Variants in AKAP8 observed in about 807,000 individuals in gnomAD.
The protein encoded by AKAP8 is A-kinase anchoring protein 8, also known as A-kinase anchor protein 8.
In AKAP8, 24 loss-of-function variants were observed where a neutral mutation model predicts 67.5. That is an observed-to-expected ratio of 0.36 (90% CI 0.26 to 0.50). The LOEUF (loss-of-function observed/expected upper bound fraction) is 0.50. AKAP8 is among the 20% of genes least tolerant of loss of function. AKAP8 has a pLI of 0.97. For synonymous variants in AKAP8, 400 were observed against 371.1 expected, an observed-to-expected ratio of 1.08 and a Z score of -0.90; for missense variants, 971 against 955.9, an observed-to-expected ratio of 1.02 and a Z score of -0.21.
chr19:15,367,233 G>A (rs577816791), intron 9 of AKAP8, among the ~76,000 whole-genome samples: 12 of 152,220 alleles, frequency 7.9e-5, no homozygotes, highest in African/African-American at 2.9e-4. Flanking sequence ...CTTTGAACAC[G>A]ACAATCACTG....
chr19:15,354,768 T>C lies in AKAP8; in HGVS notation c.*147A>G. 1.1e-6 allele frequency: 1 copy of C among 891,612 alleles called. No individual in the cohort carries two copies. The highest frequency in any genetic ancestry group is 1.7e-6 in the Non-Finnish European group (1 of 595,162). The allele number at this position is 891,612 out of a possible 1,614,324, so 55.2% of individuals were successfully genotyped here. On this transcript the variant is annotated 3_prime_UTR_variant, in exon 14 of 14. Transcript: ENST00000269701. ...GCATGAGACAAGCCGTGAGAGGCAC[T>C]GCTCAGGAGGAAACGCTGGGTCTCT...
intron 12 of AKAP8, among the ~76,000 whole-genome samples, chr19:15,360,616 G>A (rs1054134981): frequency 1.3e-5 from 2 of 152,168 alleles, no homozygotes; most frequent in East Asian, 1.9e-4. Flanking sequence ...ACTGACCAAC[G>A]TGGAAACACT....
At chr19:15,379,669 CAG>C (rs770535269) in intron 1 of AKAP8, 42 bp downstream of exon 1, 3 of 1,595,646 alleles carry the variant, frequency 1.9e-6, no homozygotes, top group Non-Finnish European at 2.6e-6. Flanking sequence ...GTCGCCCGCA[CAG>C]AGCCTTCCCT....
chr19:15,370,618 C>G (rs113516916), intron 7 of AKAP8, among the ~76,000 whole-genome samples: 5,054 of 144,400 alleles, frequency 0.035, 333 homozygotes, highest in African/African-American at 0.12. Context: ...TTATATTTAC[C>G]CAATGTCTTT....
rs1385331172 is a variant in AKAP8, at chr19:15,373,987, G to A, written c.170C>T (p.Ser57Leu). Residue 57 changes from serine to leucine, a missense_variant, in exon 4 of 14, where the codon TCG (serine) becomes TTG (leucine). Ser to Leu is a moderately radical substitution (Grantham distance 145, BLOSUM62 -2). Transcript: ENST00000269701. ...TGATYSYGPA[S>L]WEAAKANDGG... ...ATCATTGGCCTTGGCGGCCTCCCAC[G>A]AGGCTGGGCCGTAGCTGTAGGTTGC... is the stretch of plus-strand genomic sequence containing the variant. 6.8e-6 allele frequency: 11 copies of A among 1,612,774 alleles called. No individual in the cohort carries two copies. Among genetic ancestry groups the A allele is most frequent in the East Asian group, 6.7e-5 (3 of 44,876 alleles).
Position 15,369,322 on chromosome 19 carries a change from G to A in AKAP8, c.1072+824C>T, listed in dbSNP as rs1184629773. The A allele has an allele frequency of 5.3e-6, 5 of 947,162 alleles. No homozygotes were observed. The highest frequency in any genetic ancestry group is 6.3e-6 in the Non-Finnish European group (5 of 795,024). The allele number at this position is 947,162 out of a possible 1,614,324, so 58.7% of individuals were successfully genotyped here. A position where few individuals can be genotyped will look rare whatever the true frequency, so the allele number is the denominator to read the frequency against. On this transcript the variant is annotated intron_variant, in intron 8 of 13. Transcript: ENST00000269701. The surrounding 1 kb of genome is among the most constrained non-coding windows in gnomAD (Gnocchi z 4.6). Reference sequence around the variant, plus strand: ...ACAGGACTGCTGCGGGTCGCGGGGGGGAGGACCGCAGAGGGCTGGCAAAGC... The same window carrying A: ...ACAGGACTGCTGCGGGTCGCGGGGGAGAGGACCGCAGAGGGCTGGCAAAGC...
chr19:15,357,265 TC>T (rs1966896447), intron 13 of AKAP8, among the ~76,000 whole-genome samples: 6 of 149,972 alleles, frequency 4.0e-5, no homozygotes, highest in Admixed American at 3.3e-4. Flanking sequence ...GGCCACCCCA[TC>T]CCCCTGCAAA....
chr19:15,356,513 C>T (rs937383153), intron 13 of AKAP8, among the ~76,000 whole-genome samples: 2 of 152,130 alleles, frequency 1.3e-5, no homozygotes, highest in African/African-American at 4.8e-5. Context: ...CCTGTAATCC[C>T]AGCACTTTGG....
chr19:15,374,180 C>T, intron 3 of AKAP8, 115 bp from the exon 4 acceptor site: 1 of 1,258,540 alleles, frequency 7.9e-7, no homozygotes, highest in Non-Finnish European at 1.1e-6. Flanking sequence ...GTGTGGGACC[C>T]AGTGCTGCTG....
rs1468649090 is a variant in AKAP8, at chr19:15,368,834, G to A, written c.1073-512C>T. 7.1e-6 allele frequency: 7 copies of A among 985,244 alleles called. No individual in the cohort carries two copies. The African/African-American group carries it at 1.0e-4, about 15-fold the overall frequency. 61.0% of individuals were successfully genotyped at this position (985,244 alleles called of 1,614,324 possible). A position where few individuals can be genotyped will look rare whatever the true frequency, so the allele number is the denominator to read the frequency against. ...GGCCTCAGCAGGTCTGACAGTCCTT[G>A]CTGGCCCGACCTCTATCTTCCACTC... On this transcript the variant is annotated intron_variant, in intron 8 of 13. Transcript: ENST00000269701.
intron 1 of AKAP8, among the ~76,000 whole-genome samples, chr19:15,378,167 T>C (rs1967288335): frequency 6.6e-6 from 1 of 152,218 alleles, no homozygotes; most frequent in Non-Finnish European, 1.5e-5. Context: ...TTACGAGACT[T>C]GACCCAGTCA....
chr19:15,370,063 C>G lies in AKAP8; in HGVS notation c.1072+83G>C, dbSNP rs2095059376. The G allele has an allele frequency of 2.6e-6, 4 of 1,564,694 alleles. No individual in the cohort carries two copies. In the Admixed American group the frequency reaches 5.0e-5, roughly 20 times the overall value. ...AGCCACGGGCCCCTCCATCCAGGCC[C>G]CTGGCTTGCTCAGAAGCTGGGCAGT... On this transcript the variant is annotated intron_variant, in intron 8 of 13. Coordinates refer to ENST00000269701, the MANE Select transcript of AKAP8 (RefSeq NM_005858.4).
Position 15,359,037 on chromosome 19 carries a change from G to A in AKAP8, c.1553C>T (p.Thr518Ile), listed in dbSNP as rs757085860. ...AACACTCTTAGCCACATGGAGACTG[G>A]TTTTCTTGAACTGTTCAGCAGCCAA... ...RRLAAEQFKK[T>I]SLHVAKSVLN... The change falls in exon 13 of 14, where the codon ACC (threonine) becomes ATC (isoleucine). Residue 518 changes from threonine (T) to isoleucine (I), a missense_variant. This residue lies in a region of AKAP8 where 763 missense variants were observed against 745.4 expected (regional missense o/e 1.02). Coordinates refer to ENST00000269701, the MANE Select transcript of AKAP8 (RefSeq NM_005858.4). 2 of 1,614,180 alleles carry A rather than the reference G, an allele frequency of 1.2e-6. No homozygotes were observed. The highest frequency in any genetic ancestry group is 8.5e-7 in the Non-Finnish European group (1 of 1,180,044).
At chr19:15,379,291 T>TCA (rs1452063985) in intron 1 of AKAP8, 1 of 175,362 alleles carries the variant, frequency 5.7e-6, no homozygotes, top group Admixed American at 6.4e-5. Flanking sequence ...GGGTCCGACC[T>TCA]CACAACCCCA....
intron 7 of AKAP8, 92 bp from the exon 8 acceptor site, chr19:15,370,271 GT>G: frequency 1.4e-6 from 2 of 1,469,640 alleles, no homozygotes. Context: ...CTGGTGGGCA[GT>G]CTCACCCAAG....
At chr19:15,376,657 C>T (rs1465913228) in intron 2 of AKAP8, among the ~76,000 whole-genome samples, 2 of 152,180 alleles carry the variant, frequency 1.3e-5, no homozygotes, top group African/African-American at 4.8e-5. Flanking sequence ...ATACCCTCAG[C>T]TATTTACTCA....
In AKAP8 at chr19:15,354,600, G is replaced by T; in HGVS notation, c.*315C>A. ...ATAAAAAAGGAAGCATTCCATCAGT[G>T]GCTGTATTGAACAAGTAATGTATCA... is the stretch of plus-strand genomic sequence containing the variant. On this transcript the variant is annotated 3_prime_UTR_variant, in exon 14 of 14. Coordinates refer to ENST00000269701, the MANE Select transcript of AKAP8 (RefSeq NM_005858.4). 1 of 323,682 alleles carries T rather than the reference G, an allele frequency of 3.1e-6. No homozygotes were observed. The highest frequency in any genetic ancestry group is 5.7e-6 in the Non-Finnish European group (1 of 176,540). 20.1% of individuals were successfully genotyped at this position (323,682 alleles called of 1,614,324 possible).
At chr19:15,364,803 GA>G (rs1967043605) in intron 9 of AKAP8, among the ~76,000 whole-genome samples, 1 of 151,904 alleles carries the variant, frequency 6.6e-6, no homozygotes, top group African/African-American at 2.4e-5. Context: ...TCTTTTTCTC[GA>G]GATGAGATTT....
chr19:15,365,054 GCTGGCACTGCAGCCCCT>G (rs1174950456), intron 9 of AKAP8, among the ~76,000 whole-genome samples: 1 of 152,192 alleles, frequency 6.6e-6, no homozygotes, highest in Non-Finnish European at 1.5e-5. Flanking sequence ...ATAGTAATCT[GCTGGCACTGCAGCCCCT>G]CTGGCCCCAA....
Sources: allele counts gnomAD v4.1 joint callset (sites outside exome capture counted in the v4.1 genomes callset), GRCh38; gene constraint gnomAD v4.1.1; regional missense constraint gnomAD v4.1.1; non-coding constraint Gnocchi (gnomAD v3.1); transcripts MANE v1.5; gene names NCBI Gene and HGNC (gene_info 2026-07-23, HGNC 2026-07-21).